Variants in LRMDA observed in about 807,000 individuals in gnomAD.
LRMDA encodes leucine rich melanocyte differentiation associated.
LRMDA carries 18 observed loss-of-function variants against 29.8 expected under a neutral mutation model. The observed-to-expected ratio is 0.60, with a 90% CI of 0.42 to 0.90. The LOEUF (loss-of-function observed/expected upper bound fraction) is 0.90. Ranked by LOEUF, LRMDA falls within the 40% of genes least tolerant of loss-of-function variation. The pLI is 0.00. For synonymous variants in LRMDA, 125 were observed against 109.4 expected (o/e 1.14, Z -0.89); for missense variants, 273 against 273.9 (o/e 1.00, Z 0.02).
chr10:75,447,367 A>G (rs1844407450), intron 2 of LRMDA, among the ~76,000 whole-genome samples: 1 of 152,048 alleles, frequency 6.6e-6, no homozygotes, highest in Non-Finnish European at 1.5e-5. Context: ...CTCTACTAAA[A>G]ACACAAAAAT....
chr10:75,527,110 A>G (rs578150030), intron 2 of LRMDA, among the ~76,000 whole-genome samples: 2 of 152,158 alleles, frequency 1.3e-5, no homozygotes, highest in Admixed American at 6.5e-5. Flanking sequence ...GATATTTCAC[A>G]TAAATGGAAT....
chr10:75,449,355 C>A (rs938713444), intron 2 of LRMDA, among the ~76,000 whole-genome samples: 8 of 152,148 alleles, frequency 5.3e-5, no homozygotes, highest in African/African-American at 1.9e-4. Flanking sequence ...CCTGAGACCA[C>A]CCTGATGGTT....
intron 6 of LRMDA, among the ~76,000 whole-genome samples, chr10:76,472,704 A>G (rs982087048): frequency 3.3e-5 from 5 of 151,656 alleles, no homozygotes; most frequent in Admixed American, 1.3e-4. Context: ...AGGGAGCATT[A>G]CTATCAACCT....
At chr10:76,100,045 A>C (rs1399103006) in intron 5 of LRMDA, among the ~76,000 whole-genome samples, 1 of 152,212 alleles carries the variant, frequency 6.6e-6, no homozygotes, top group Non-Finnish European at 1.5e-5. Flanking sequence ...CTGTAATCAT[A>C]GATTTTTCCC....
intron 3 of LRMDA, among the ~76,000 whole-genome samples, chr10:76,042,101 C>T (rs1848350863): frequency 6.6e-6 from 1 of 152,182 alleles, no homozygotes; most frequent in African/African-American, 2.4e-5. Context: ...TTTGTCCTTG[C>T]TGACCCAGGA....
chr10:76,542,466 C>A (rs1337445783), intron 6 of LRMDA, among the ~76,000 whole-genome samples: 3 of 151,996 alleles, frequency 2.0e-5, no homozygotes, highest in Non-Finnish European at 2.9e-5. Context: ...GAGATATAAC[C>A]CCTGGAAAAT....
intron 2 of LRMDA, among the ~76,000 whole-genome samples, chr10:75,910,204 T>G (rs1200172237): frequency 1.3e-5 from 2 of 152,214 alleles, no homozygotes; most frequent in Non-Finnish European, 2.9e-5. Context: ...GTCTTATTAA[T>G]GCATTTTGTC....
chr10:76,111,648 T>A (rs1378545401), intron 5 of LRMDA, among the ~76,000 whole-genome samples: 1 of 152,268 alleles, frequency 6.6e-6, no homozygotes, highest in East Asian at 1.9e-4. Flanking sequence ...GAAGAGTTTG[T>A]ATAATTTAAC....
intron 5 of LRMDA, among the ~76,000 whole-genome samples, chr10:76,311,618 C>G (rs192292523): frequency 1.3e-5 from 2 of 152,242 alleles, no homozygotes; most frequent in East Asian, 3.9e-4. Context: ...TCATTTCATT[C>G]CAATTTACTA....
intron 2 of LRMDA, among the ~76,000 whole-genome samples, chr10:75,844,950 C>T (rs1371699626): frequency 6.6e-6 from 1 of 152,142 alleles, no homozygotes; most frequent in African/African-American, 2.4e-5. Flanking sequence ...TTTATTTGTT[C>T]CTTCCAGCAT....
chr10:75,904,354 A>G (rs1187775563), intron 2 of LRMDA, among the ~76,000 whole-genome samples: 1 of 152,130 alleles, frequency 6.6e-6, no homozygotes, highest in Non-Finnish European at 1.5e-5. Context: ...CTTTTTGTCT[A>G]TTAATTCTGA....
chr10:76,412,074 T>C (rs1188027908), intron 6 of LRMDA, among the ~76,000 whole-genome samples: 2 of 152,198 alleles, frequency 1.3e-5, no homozygotes, highest in East Asian at 3.9e-4. Context: ...TTGAATTCTC[T>C]CGAAATTTTG....
intron 6 of LRMDA, among the ~76,000 whole-genome samples, chr10:76,424,906 T>C (rs75468035): frequency 0.012 from 1,877 of 152,338 alleles, 27 homozygotes; most frequent in African/African-American, 0.043. Flanking sequence ...TGATGGGTGG[T>C]TGAGTCAGGA....
At chr10:75,548,050 T>A (rs1840099677) in intron 2 of LRMDA, among the ~76,000 whole-genome samples, 1 of 152,038 alleles carries the variant, frequency 6.6e-6, no homozygotes, top group Non-Finnish European at 1.5e-5. Flanking sequence ...TTAATCATTC[T>A]GTATCTTTGT....
chr10:75,881,490 C>CCCACTACCCCTACTT (rs1333301649), intron 2 of LRMDA, among the ~76,000 whole-genome samples: 1 of 152,168 alleles, frequency 6.6e-6, no homozygotes, highest in Non-Finnish European at 1.5e-5. Flanking sequence ...ATCTCTCCCC[C>CCCACTACCCCTACTT]CCACTACCCC....
intron 6 of LRMDA, among the ~76,000 whole-genome samples, chr10:76,380,868 A>G (rs1247558917): frequency 1.3e-5 from 2 of 151,804 alleles, no homozygotes; most frequent in African/African-American, 4.8e-5. Context: ...TTAACAACCT[A>G]TTTTTATTTA....
intron 2 of LRMDA, among the ~76,000 whole-genome samples, chr10:75,533,881 CAAAAT>C (rs947085804): frequency 6.6e-6 from 1 of 152,086 alleles, no homozygotes; most frequent in Non-Finnish European, 1.5e-5. Flanking sequence ...TGTCAAAAGA[CAAAAT>C]AAAATGTACA....
chr10:76,212,181 A>G (rs1337421821), intron 5 of LRMDA, among the ~76,000 whole-genome samples: 2 of 151,894 alleles, frequency 1.3e-5, no homozygotes, highest in African/African-American at 2.4e-5. Flanking sequence ...CAGAATTAAC[A>G]TAGGATACAG....
At chr10:76,330,952 C>G (rs1840897139) in intron 6 of LRMDA, among the ~76,000 whole-genome samples, 1 of 152,194 alleles carries the variant, frequency 6.6e-6, no homozygotes, top group Non-Finnish European at 1.5e-5. Flanking sequence ...CTTTTGCCTA[C>G]TGCCTCTTGG....
Sources: gnomAD v4.1 joint callset for allele counts (sites outside exome capture counted in the v4.1 genomes callset) on GRCh38, gnomAD v4.1.1 for gene constraint, MANE v1.5 for transcripts, NCBI Gene and HGNC (gene_info 2026-07-23, HGNC 2026-07-21) for gene names.